Variants in COLEC10 observed in about 807,000 individuals in gnomAD.
COLEC10 encodes collectin subfamily member 10, also known as collectin-10.
A neutral mutation model predicts 28.4 loss-of-function variants in COLEC10; 22 were observed. The ratio of observed to expected loss-of-function variants is 0.78; its 90% CI spans 0.55 to 1.11. The LOEUF (loss-of-function observed/expected upper bound fraction) is 1.11. Ranked by LOEUF, COLEC10 falls within the 50% of genes least tolerant of loss-of-function variation. The pLI is 0.00. For synonymous variants in COLEC10, 125 were observed against 116.1 expected, an observed-to-expected ratio of 1.08 and a Z score of -0.49; for missense variants, 361 against 344.1, an observed-to-expected ratio of 1.05 and a Z score of -0.39.
chr8:119,103,977 A>G (rs1217375567), intron 5 of COLEC10, 82 bp downstream of exon 5: 1 of 998,278 alleles, frequency 1.0e-6, no homozygotes, highest in East Asian at 2.4e-5. Flanking sequence ...AGATGGAAAT[A>G]TCTTGAGTTG....
chr8:119,068,329 T>C (rs1815015490), intron 1 of COLEC10: 1 of 152,344 alleles, frequency 6.6e-6, no homozygotes, highest in Non-Finnish European at 1.5e-5. Context: ...TCTTAATCAC[T>C]GAATTAATTT....
At chr8:118,989,532 AATACAC>A in the COLEC10 span, among the ~76,000 whole-genome samples, 1 of 101,068 alleles carries the variant, frequency 9.9e-6, no homozygotes, top group African/African-American at 4.5e-5. Flanking sequence ...AGACAGACAA[AATACAC>A]ACACACACAC....
the COLEC10 span, among the ~76,000 whole-genome samples, chr8:118,971,329 GT>G: frequency 1.3e-5 from 2 of 151,952 alleles, no homozygotes; most frequent in Non-Finnish European, 2.9e-5. Flanking sequence ...AAAGTCATAG[GT>G]TGCTTTAAGG....
intron 1 of COLEC10, among the ~76,000 whole-genome samples, chr8:119,004,629 A>T (rs962745978): frequency 3.3e-5 from 5 of 151,430 alleles, no homozygotes; most frequent in African/African-American, 1.2e-4. Context: ...ATATATATAT[A>T]TCTCCAGATA....
At position 119,071,914 on chromosome 8, in the gene COLEC10, G is replaced by A. The variant is rs141932226; in HGVS notation, c.148+4485G>A. Among the ~76,000 whole-genome samples the A allele has an allele frequency of 1.0e-3, 157 of 152,206 alleles. 1 individual carries two copies. The highest frequency in any genetic ancestry group is 2.9e-3 in the African/African-American group (122 of 41,528). On this transcript the variant is annotated intron_variant, in intron 1 of 5. Coordinates refer to ENST00000332843, the MANE Select transcript of COLEC10 (RefSeq NM_006438.5). ...GTATGTCCTGAAGTTGCTAAAAACC[G>A]TTGCACATGCTCCCAAAAAAGGACT...
At chr8:118,969,615 T>C in the COLEC10 span, among the ~76,000 whole-genome samples, 1 of 151,962 alleles carries the variant, frequency 6.6e-6, no homozygotes, top group African/African-American at 2.4e-5. Flanking sequence ...TGAATTCTAA[T>C]TGTGGTACAC....
chr8:119,106,877 C>T lies in COLEC10; in HGVS notation c.*686C>T, dbSNP rs1815957145. Among the ~76,000 whole-genome samples the T allele has an allele frequency of 6.6e-6, 1 of 152,102 alleles. No individual in the cohort carries two copies. Among genetic ancestry groups the T allele is most frequent in the Admixed American group, 6.6e-5 (1 of 15,264 alleles). Reference sequence around the variant, plus strand: ...ATATACCAAGTAGGTGCTTTGAACCCCTTTCTGTAGGCTCACACCTTAATC... The same window carrying T: ...ATATACCAAGTAGGTGCTTTGAACCTCTTTCTGTAGGCTCACACCTTAATC... On this transcript the variant is annotated 3_prime_UTR_variant, in exon 6 of 6. Coordinates refer to ENST00000332843, the MANE Select transcript of COLEC10 (RefSeq NM_006438.5).
chr8:119,033,698 T>G (rs1332921912), intron 2 of COLEC10, among the ~76,000 whole-genome samples: 1 of 152,202 alleles, frequency 6.6e-6, no homozygotes, highest in Non-Finnish European at 1.5e-5. Context: ...AGATACCATT[T>G]CATGCCAGTT....
At chr8:119,001,733 C>A (rs1451719561) in intron 1 of COLEC10, among the ~76,000 whole-genome samples, 1 of 152,024 alleles carries the variant, frequency 6.6e-6, no homozygotes, top group Non-Finnish European at 1.5e-5. Context: ...AAAAAACCCC[C>A]AGTAATTCTA....
chr8:119,096,212 A>G (rs1390371258), intron 3 of COLEC10, among the ~76,000 whole-genome samples: 1 of 152,166 alleles, frequency 6.6e-6, no homozygotes, highest in Non-Finnish European at 1.5e-5. Flanking sequence ...TATATTTTTG[A>G]TCCTAGGGTA....
intron 2 of COLEC10, among the ~76,000 whole-genome samples, chr8:119,049,401 CTTTTTTTTTTTT>C (rs34885340): frequency 0.12 from 7,465 of 60,158 alleles, 156 homozygotes; most frequent in Admixed American, 0.18. Context: ...ATTTTCTTTT[CTTTTTTTTTTTT>C]TTTTTTTTTT....
chr8:119,028,992 C>T (rs1814241912), intron 2 of COLEC10, among the ~76,000 whole-genome samples: 1 of 152,172 alleles, frequency 6.6e-6, no homozygotes, highest in African/African-American at 2.4e-5. Flanking sequence ...CCAGCTCTCA[C>T]AAAATCTACA....
chr8:119,012,166 T>C (rs1199054348), intron 2 of COLEC10, among the ~76,000 whole-genome samples: 4 of 150,916 alleles, frequency 2.7e-5, no homozygotes, highest in Non-Finnish European at 5.9e-5. Context: ...GAAAGTGTTT[T>C]TTAATCATTA....
At chr8:119,067,870 T>C (rs992256502) in intron 1 of COLEC10, 21 of 153,174 alleles carry the variant, frequency 1.4e-4, no homozygotes, top group Non-Finnish European at 8.7e-5. Flanking sequence ...ATCTTAAATA[T>C]ATATTTCATA....
rs141929592 is a variant in COLEC10, at chr8:119,046,886, C to T, written n.235+37333C>T. Among the ~76,000 whole-genome samples the T allele has an allele frequency of 9.3e-3, 1,412 of 152,216 alleles. 16 individuals are homozygous for T. Among genetic ancestry groups the T allele is most frequent in the African/African-American group, 0.031 (1,269 of 41,544 alleles). Reference sequence around the variant, plus strand: ...TCATGACCCATAAACTATCTTCCTACGGTCTCATAGGCTAGTCGGTGGTCC... The same window carrying T: ...TCATGACCCATAAACTATCTTCCTATGGTCTCATAGGCTAGTCGGTGGTCC... On this transcript the variant is annotated intron_variant and non_coding_transcript_variant, in intron 2 of 6. Coordinates refer to the COLEC10 transcript ENST00000521788.
intron 2 of COLEC10, among the ~76,000 whole-genome samples, chr8:119,011,560 G>C (rs760673810): frequency 4.6e-5 from 7 of 150,806 alleles, no homozygotes; most frequent in Non-Finnish European, 8.8e-5. Flanking sequence ...GATCAAGTTA[G>C]AAAGAAGAGA....
intron 1 of COLEC10, among the ~76,000 whole-genome samples, chr8:119,077,333 T>A (rs1815264184): frequency 7.1e-6 from 1 of 141,324 alleles, no homozygotes; most frequent in South Asian, 2.3e-4. Context: ...GCCACACCAA[T>A]GTTAAATTTT....
At chr8:119,024,951 T>C (rs1487915430) in intron 2 of COLEC10, among the ~76,000 whole-genome samples, 1 of 152,154 alleles carries the variant, frequency 6.6e-6, no homozygotes, top group East Asian at 1.9e-4. Flanking sequence ...CCGGGCAAGA[T>C]AATAGACCTG....
chr8:119,006,444 T>G (rs1333377638), intron 1 of COLEC10, among the ~76,000 whole-genome samples: 1 of 152,078 alleles, frequency 6.6e-6, no homozygotes, highest in African/African-American at 2.4e-5. Context: ...CTAAATAAAC[T>G]ACCTTCACTA....
Sources: gnomAD v4.1 joint callset for allele counts (sites outside exome capture counted in the v4.1 genomes callset) on GRCh38, gnomAD v4.1.1 for gene constraint, MANE v1.5 for transcripts, NCBI Gene and HGNC (gene_info 2026-07-23, HGNC 2026-07-21) for gene names.